The following CNOT7 variants were observed in gnomAD, a reference collection of about 807,000 sequenced individuals.
The protein encoded by CNOT7 is CCR4-NOT transcription complex subunit 7, also known as BTG1-binding factor 1.
In CNOT7, 4 loss-of-function variants were observed where a neutral mutation model predicts 37.1. That is an observed-to-expected ratio of 0.11 (90% CI 0.05 to 0.25). The LOEUF is 0.25. Ranked by LOEUF, CNOT7 falls within the 10% of genes least tolerant of loss-of-function variation. CNOT7 has a pLI of 1.00. For missense variants in CNOT7, 170 were observed against 336.2 expected, an observed-to-expected ratio of 0.51 and a Z score of 3.87; for synonymous variants, 128 against 115.6, an observed-to-expected ratio of 1.11 and a Z score of -0.69.
intron 6 of CNOT7, 37 bp from the exon 7 acceptor site, chr8:17,230,885 T>G: frequency 6.8e-7 from 1 of 1,478,442 alleles, no homozygotes; most frequent in Non-Finnish European, 9.2e-7. Context: ...AAAGATAATT[T>G]TAACCAAAAG....
At chr8:17,242,204 A>G (rs1052028052) in intron 3 of CNOT7, 1 of 152,184 alleles carries the variant, frequency 6.6e-6, no homozygotes, top group Non-Finnish European at 1.5e-5. Context: ...GTCAGGAATC[A>G]ATTTTATTTT....
In CNOT7 at chr8:17,227,008, T is replaced by G. The variant is rs989522105; in HGVS notation, c.*3712A>C. ...CAAATCAGGATATTCAGCTTCTGTT[T>G]CTCACAAAAAAAAAAAAATCATGGA... On this transcript the variant is annotated 3_prime_UTR_variant, in exon 7 of 7. Coordinates refer to ENST00000361272, the MANE Select transcript of CNOT7 (RefSeq NM_013354.7). 4.0e-5 allele frequency: 4 copies of G among 100,698 alleles called. No individual in the cohort carries two copies. The highest frequency in any genetic ancestry group is 1.1e-4 in the African/African-American group (4 of 38,080). 6.2% of individuals were successfully genotyped at this position (100,698 alleles called of 1,614,324 possible).
chr8:17,231,996 C>T (rs1017178757), intron 6 of CNOT7: 2 of 995,468 alleles, frequency 2.0e-6, no homozygotes, highest in South Asian at 4.5e-5. Flanking sequence ...TATTTATCAC[C>T]AGTTTAAACC....
intron 6 of CNOT7, chr8:17,231,997 A>T: frequency 1.0e-6 from 1 of 996,886 alleles, no homozygotes; most frequent in Non-Finnish European, 1.2e-6. Context: ...ATTTATCACC[A>T]GTTTAAACCT....
intron 4 of CNOT7, 103 bp from the exon 5 acceptor site, chr8:17,234,963 C>G (rs371605536): frequency 7.4e-6 from 7 of 949,200 alleles, no homozygotes; most frequent in Non-Finnish European, 1.1e-5. Flanking sequence ...ACACTAGAGC[C>G]CTCCCAAAAA....
Position 17,227,958 on chromosome 8 carries a change from T to A in CNOT7, c.*2762A>T, listed in dbSNP as rs949987564. On this transcript the variant is annotated 3_prime_UTR_variant, in exon 7 of 7. Transcript: ENST00000361272. ...TTCTGTAGCTTGCCAAGCGGCAATG[T>A]GAAACAAGACACACATACACAGGTT... is the stretch of plus-strand genomic sequence containing the variant. 1 of 151,920 alleles carries A rather than the reference T, an allele frequency of 6.6e-6. No individual in the cohort carries two copies. Among genetic ancestry groups the A allele is most frequent in the Non-Finnish European group, 1.5e-5 (1 of 67,842 alleles). The allele number at this position is 151,920 out of a possible 1,614,324, so 9.4% of individuals were successfully genotyped here. A position where few individuals can be genotyped will look rare whatever the true frequency, so the allele number is the denominator to read the frequency against.
chr8:17,234,225 G>T (rs1585791783), intron 5 of CNOT7, among the ~76,000 whole-genome samples: 1 of 152,140 alleles, frequency 6.6e-6, no homozygotes, highest in Non-Finnish European at 1.5e-5. Context: ...AATCCTAGGA[G>T]CATTATCCTA....
intron 3 of CNOT7, among the ~76,000 whole-genome samples, chr8:17,240,389 T>G (rs1810001937): frequency 6.6e-6 from 1 of 152,002 alleles, no homozygotes; most frequent in Non-Finnish European, 1.5e-5. Flanking sequence ...ATTGTTAGCA[T>G]TAGTGTATTT....
At position 17,237,242 on chromosome 8, in the gene CNOT7, C is replaced by T. The variant is rs1809499006; in HGVS notation, c.443G>A (p.Cys148Tyr). Residue 148 changes from cysteine (C) to tyrosine (Y), a missense_variant, in exon 4 of 7, where the codon TGT (cysteine) becomes TAT (tyrosine). Transcript: ENST00000361272. ...AAATGACAACCATTTGACCCCTTCA[C>T]AGAGGACCACTCCAGAAGTCATAAG... is the stretch of plus-strand genomic sequence containing the variant. ...ELLMTSGVVLCEGVKWLSFHS... is the reference protein window; with the variant it reads ...ELLMTSGVVLYEGVKWLSFHS... 1 of 1,614,022 alleles carries T rather than the reference C, an allele frequency of 6.2e-7. No individual in the cohort carries two copies. Among genetic ancestry groups the T allele is most frequent in the Non-Finnish European group, 8.5e-7 (1 of 1,180,002 alleles).
intron 4 of CNOT7, 112 bp downstream of exon 4, chr8:17,237,100 C>CA (rs1563198063): frequency 3.0e-6 from 3 of 990,620 alleles, no homozygotes; most frequent in Non-Finnish European, 4.6e-6. Context: ...CTCTATATGG[C>CA]AGTCAACTCT....
intron 3 of CNOT7, among the ~76,000 whole-genome samples, chr8:17,239,777 G>A (rs1021608928): frequency 2.0e-5 from 3 of 152,358 alleles, no homozygotes; most frequent in South Asian, 2.1e-4. Flanking sequence ...ACAGGCGTGA[G>A]CCACCACGCC....
chr8:17,235,637 C>T (rs1476419423), intron 4 of CNOT7, among the ~76,000 whole-genome samples: 3 of 152,184 alleles, frequency 2.0e-5, no homozygotes, highest in African/African-American at 2.4e-5. Flanking sequence ...TAGACACGTC[C>T]GTCCCTTGTC....
intron 4 of CNOT7, 50 bp downstream of exon 4, chr8:17,237,162 G>C: frequency 6.4e-7 from 1 of 1,570,944 alleles, no homozygotes; most frequent in Non-Finnish European, 8.7e-7. Flanking sequence ...TAAGTGTGGA[G>C]CAAGTATGAG....
At chr8:17,238,192 A>G (rs191729568) in intron 3 of CNOT7, among the ~76,000 whole-genome samples, 2 of 152,358 alleles carry the variant, frequency 1.3e-5, no homozygotes, top group Admixed American at 1.3e-4. Context: ...CAAAATACAG[A>G]TACATTTTTG....
At chr8:17,244,688 A>T (rs779543721) in intron 2 of CNOT7, 1 of 179,384 alleles carries the variant, frequency 5.6e-6, no homozygotes, top group Non-Finnish European at 1.2e-5. Context: ...CAATCACAGA[A>T]TTACCCCAGC....
In CNOT7 at chr8:17,245,186, T is replaced by A. The variant is rs1375540758; in HGVS notation, c.-34A>T. The A allele has an allele frequency of 1.3e-6, 2 of 1,576,444 alleles. No individual in the cohort carries two copies. The highest frequency in any genetic ancestry group is 8.6e-7 in the Non-Finnish European group (1 of 1,162,906). The stretch of plus-strand genomic sequence containing the variant: ...CACAAGGGAGTCTAGATGCCAAGCA[T>A]CAAAATGTTATACTTGATTGAAGAT... On this transcript the variant is annotated 5_prime_UTR_variant, in exon 2 of 7. It removes an upstream start codon present in the reference 5' UTR. Coordinates refer to ENST00000361272, the MANE Select transcript of CNOT7 (RefSeq NM_013354.7).
intron 1 of CNOT7, among the ~76,000 whole-genome samples, chr8:17,245,485 A>C (rs1563216482): frequency 6.6e-6 from 1 of 152,224 alleles, no homozygotes; most frequent in Non-Finnish European, 1.5e-5. Context: ...TTACACATAC[A>C]TACTAATCAT....
At position 17,228,120 on chromosome 8, in the gene CNOT7, T is replaced by TA. The variant is rs1440443546; in HGVS notation, c.*2599dup. The TA allele has an allele frequency of 2.6e-5, 4 of 151,986 alleles. No individual in the cohort carries two copies. In the East Asian group the frequency reaches 7.7e-4, roughly 29 times the overall value. 9.4% of individuals were successfully genotyped at this position (151,986 alleles called of 1,614,324 possible). A position where few individuals can be genotyped will look rare whatever the true frequency, so the allele number is the denominator to read the frequency against. On this transcript the variant is annotated 3_prime_UTR_variant, in exon 7 of 7. Coordinates refer to ENST00000361272, the MANE Select transcript of CNOT7 (RefSeq NM_013354.7). ...CATGTAATTTTCAGATGTCAGGAAA[T>TA]AATCTTTTGATTATTTTTCCCAACC...
chr8:17,238,509 C>CTT (rs75080604), intron 3 of CNOT7, among the ~76,000 whole-genome samples: 36 of 139,390 alleles, frequency 2.6e-4, no homozygotes, highest in Middle Eastern at 3.6e-3. Flanking sequence ...GAAGTAGTTT[C>CTT]TTTTTTTTTT....
Sources: gnomAD v4.1 joint callset for allele counts (sites outside exome capture counted in the v4.1 genomes callset) on GRCh38, gnomAD v4.1.1 for gene constraint, MANE v1.5 for transcripts, NCBI Gene and HGNC (gene_info 2026-07-23, HGNC 2026-07-21) for gene names.